Variants in IKZF3 observed in about 807,000 individuals in gnomAD.
The protein encoded by IKZF3 is IKAROS family zinc finger 3, also known as zinc finger protein Aiolos.
IKZF3 carries 10 observed loss-of-function variants against 49.0 expected under a neutral mutation model. That is an observed-to-expected ratio of 0.20 (90% CI 0.13 to 0.35). The LOEUF (loss-of-function observed/expected upper bound fraction) is 0.35, where lower values mean the gene tolerates loss of function less well. IKZF3 is among the 10% of genes least tolerant of loss of function. The pLI is 1.00. For synonymous variants in IKZF3, 209 were observed against 228.2 expected (o/e 0.92, Z 0.76); for missense variants, 498 against 664.8 (o/e 0.75, Z 2.76).
chr17:39,799,511 A>G (rs2061263309), intron 3 of IKZF3, among the ~76,000 whole-genome samples: 4 of 152,172 alleles, frequency 2.6e-5, no homozygotes, highest in Admixed American at 2.0e-4. Flanking sequence ...CTTTCTCTCT[A>G]TACTAGAACT....
chr17:39,766,581 G>C (rs1411294270), intron 7 of IKZF3, 88 bp from the exon 8 acceptor site: 2 of 1,150,360 alleles, frequency 1.7e-6, no homozygotes, highest in Non-Finnish European at 2.5e-6. Context: ...AAAAAGGGAG[G>C]AGAGTTAAGT....
intron 1 of IKZF3, among the ~76,000 whole-genome samples, chr17:39,847,382 T>C (rs912629062): frequency 6.6e-6 from 1 of 152,006 alleles, no homozygotes; most frequent in Admixed American, 6.6e-5. Context: ...TCCTCTAATA[T>C]CCCCCTACTT....
At chr17:39,785,234 T>C (rs897715510) in intron 6 of IKZF3, among the ~76,000 whole-genome samples, 1 of 152,196 alleles carries the variant, frequency 6.6e-6, no homozygotes, top group Non-Finnish European at 1.5e-5. Flanking sequence ...GGAAAAATTA[T>C]AGGAACTATT....
Position 39,791,471 on chromosome 17 carries a change from G to A in IKZF3, c.537C>T (p.Cys179=). The A allele has an allele frequency of 1.9e-6, 3 of 1,613,994 alleles. No individual in the cohort carries two copies. Among genetic ancestry groups the A allele is most frequent in the Non-Finnish European group, 2.5e-6 (3 of 1,179,978 alleles). ...TGEKPFKCHL[C]NYACQRRDAL... ...CATCTCTTCTTTGGCATGCATAGTT[G>A]CAGAGGTGACACTTAAAAGGTTTTT... Residue 179 remains cysteine (C), a synonymous_variant, in exon 5 of 8, where the codon TGC becomes TGT. Coordinates refer to ENST00000346872, the MANE Select transcript of IKZF3 (RefSeq NM_012481.5).
Position 39,764,156 on chromosome 17 carries a change from GA to G in IKZF3, c.*1633del, listed in dbSNP as rs1388818009. 1 of 151,734 alleles carries G rather than the reference GA, an allele frequency of 6.6e-6. No individual in the cohort carries two copies. Among genetic ancestry groups the G allele is most frequent in the African/African-American group, 2.4e-5 (1 of 41,334 alleles). 9.4% of individuals were successfully genotyped at this position (151,734 alleles called of 1,614,324 possible). ...AGGTGTGAGCCACCGAGCCTGGCCGGAAACTGAGTTTTAAGAGTTAAATAAG... is the reference window on the plus strand; with the variant it reads ...AGGTGTGAGCCACCGAGCCTGGCCGGAACTGAGTTTTAAGAGTTAAATAAG... On this transcript the variant is annotated 3_prime_UTR_variant, in exon 8 of 8. Transcript: ENST00000346872.
At chr17:39,788,669 T>C (rs896832817) in intron 5 of IKZF3, among the ~76,000 whole-genome samples, 3 of 152,186 alleles carry the variant, frequency 2.0e-5, no homozygotes, top group African/African-American at 7.2e-5. Flanking sequence ...AATTTTGTTT[T>C]CTTTGGGAAA....
Position 39,791,498 on chromosome 17 carries a change from C to T in IKZF3, c.510G>A (p.Gly170=). 6.2e-7 allele frequency: 1 copy of T among 1,613,996 alleles called. No individual in the cohort carries two copies. Among genetic ancestry groups the T allele is most frequent in the Non-Finnish European group, 8.5e-7 (1 of 1,179,984 alleles). ...AGAGGTGACACTTAAAAGGTTTTTC[C>T]CCTGTGTGCAGTTTAATGTGGCGGA... ...NLLRHIKLHT[G]EKPFKCHLCN... Residue 170 remains glycine (G), a synonymous_variant, in exon 5 of 8, where the codon GGG becomes GGA. Coordinates refer to ENST00000346872, the MANE Select transcript of IKZF3 (RefSeq NM_012481.5).
At chr17:39,850,501 CATATA>C (rs993560242) in intron 1 of IKZF3, among the ~76,000 whole-genome samples, 1 of 100,092 alleles carries the variant, frequency 1.0e-5, no homozygotes, top group Non-Finnish European at 1.9e-5. Context: ...TATACATGTA[CATATA>C]ATATATAGCA....
intron 1 of IKZF3, among the ~76,000 whole-genome samples, chr17:39,850,840 TATA>T (rs1205732326): frequency 4.2e-5 from 4 of 94,742 alleles, no homozygotes; most frequent in Admixed American, 1.2e-4. Context: ...ATATAGTATA[TATA>T]ATATATAATA....
intron 3 of IKZF3, among the ~76,000 whole-genome samples, chr17:39,800,769 G>T (rs1275584899): frequency 6.6e-6 from 1 of 152,136 alleles, no homozygotes; most frequent in Non-Finnish European, 1.5e-5. Flanking sequence ...TGAAAGGCTT[G>T]TACTCCAGAG....
chr17:39,760,452 G>A lies in IKZF3; in HGVS notation c.*5338C>T, dbSNP rs1347471094. 2 of 152,326 alleles carry A rather than the reference G, an allele frequency of 1.3e-5. No individual in the cohort carries two copies. The highest frequency in any genetic ancestry group is 2.9e-5 in the Non-Finnish European group (2 of 68,170). The allele number at this position is 152,326 out of a possible 1,614,324, so 9.4% of individuals were successfully genotyped here. A position where few individuals can be genotyped will look rare whatever the true frequency, so the allele number is the denominator to read the frequency against. On this transcript the variant is annotated 3_prime_UTR_variant, in exon 8 of 8. Coordinates refer to ENST00000346872, the MANE Select transcript of IKZF3 (RefSeq NM_012481.5). ...CGATTCTCCTGCCTCAGCCTCCTAAGTAGCTGGGATTACAGGCATGTGCCA... is the reference window on the plus strand; with the variant it reads ...CGATTCTCCTGCCTCAGCCTCCTAAATAGCTGGGATTACAGGCATGTGCCA...
intron 1 of IKZF3, among the ~76,000 whole-genome samples, chr17:39,851,003 GTA>G (rs1466473572): frequency 7.1e-6 from 1 of 141,738 alleles, no homozygotes; most frequent in African/African-American, 2.6e-5. Flanking sequence ...TTATATACAT[GTA>G]TATATTATAT....
At chr17:39,855,915 T>C (rs1457942598) in intron 1 of IKZF3, among the ~76,000 whole-genome samples, 1 of 151,934 alleles carries the variant, frequency 6.6e-6, no homozygotes, top group Non-Finnish European at 1.5e-5. Context: ...GTATTTAAGA[T>C]TTATAATATA....
chr17:39,826,412 A>G (rs1417115610), intron 3 of IKZF3, among the ~76,000 whole-genome samples: 1 of 152,238 alleles, frequency 6.6e-6, no homozygotes, highest in African/African-American at 2.4e-5. Context: ...TAAAGAAGGT[A>G]AAAACAAATC....
intron 1 of IKZF3, among the ~76,000 whole-genome samples, chr17:39,855,582 G>A (rs750974113): frequency 6.6e-6 from 1 of 152,142 alleles, no homozygotes; most frequent in South Asian, 2.1e-4. Flanking sequence ...TTATTGAGAT[G>A]TGCATACTAT....
chr17:39,863,605 A>G (rs1342796909), intron 1 of IKZF3, among the ~76,000 whole-genome samples: 1 of 152,166 alleles, frequency 6.6e-6, no homozygotes, highest in Admixed American at 6.6e-5. Flanking sequence ...CCTAATGTGA[A>G]CCTGATTTTT....
intron 7 of IKZF3, among the ~76,000 whole-genome samples, chr17:39,770,069 C>G (rs1320070744): frequency 6.6e-6 from 1 of 152,164 alleles, no homozygotes; most frequent in Non-Finnish European, 1.5e-5. Context: ...CTCTGAGTTA[C>G]GGTAACTTGA....
At chr17:39,815,469 T>C (rs1014974764) in intron 3 of IKZF3, among the ~76,000 whole-genome samples, 3 of 152,212 alleles carry the variant, frequency 2.0e-5, no homozygotes, top group African/African-American at 4.8e-5. Context: ...ACTCAGAGGT[T>C]TTTATTTTTT....
chr17:39,830,625 A>G (rs1000195121), intron 2 of IKZF3, among the ~76,000 whole-genome samples: 24 of 152,258 alleles, frequency 1.6e-4, no homozygotes, highest in South Asian at 1.4e-3. Flanking sequence ...ATATAGGCAT[A>G]GTAGCTTAAC....
Sources: gnomAD v4.1 joint callset for allele counts (sites outside exome capture counted in the v4.1 genomes callset) on GRCh38, gnomAD v4.1.1 for gene constraint, MANE v1.5 for transcripts, NCBI Gene and HGNC (gene_info 2026-07-23, HGNC 2026-07-21) for gene names.